The following NRXN1 variants were observed in gnomAD, a reference collection of about 807,000 sequenced individuals.
The protein encoded by NRXN1 is neurexin 1, also known as neurexin-1.
A neutral mutation model predicts 150.9 loss-of-function variants in NRXN1; 39 were observed. That is an observed-to-expected ratio of 0.26 (90% CI 0.20 to 0.34). The LOEUF is 0.34. Among genes scored for constraint, NRXN1 ranks in the 10% least tolerant of loss-of-function variants. NRXN1 has a pLI of 1.00. For missense variants in NRXN1, 1,815 were observed against 1,949.9 expected (o/e 0.93, Z 1.30); for synonymous variants, 924 against 757.0 (o/e 1.22, Z -3.62).
chr2:50,874,555 G>C (rs1288156445), intron 5 of NRXN1, among the ~76,000 whole-genome samples: 1 of 151,696 alleles, frequency 6.6e-6, no homozygotes, highest in African/African-American at 2.4e-5. Context: ...GATAAATGTG[G>C]TATGCTTTTA....
chr2:50,993,432 C>T (rs1299990142), intron 2 of NRXN1, among the ~76,000 whole-genome samples: 1 of 151,608 alleles, frequency 6.6e-6, no homozygotes, highest in African/African-American at 2.4e-5. Context: ...AGATATTTTT[C>T]TTTTATGTTT....
At chr2:50,407,856 T>C (rs2082865530) in intron 17 of NRXN1, among the ~76,000 whole-genome samples, 1 of 152,194 alleles carries the variant, frequency 6.6e-6, no homozygotes, top group Admixed American at 6.5e-5. Flanking sequence ...GTTTCAAGTA[T>C]TCTGTTATAA....
At chr2:50,459,467 T>G (rs142948916) in intron 17 of NRXN1, among the ~76,000 whole-genome samples, 1 of 152,096 alleles carries the variant, frequency 6.6e-6, no homozygotes, top group African/African-American at 2.4e-5. Context: ...CTCTTCCCAC[T>G]CCACCCTCAA....
At chr2:50,186,794 T>G (rs1175168214) in intron 18 of NRXN1, among the ~76,000 whole-genome samples, 4 of 152,084 alleles carry the variant, frequency 2.6e-5, no homozygotes, top group African/African-American at 9.7e-5. Context: ...CAATATCTCT[T>G]AACATGTAGT....
intron 17 of NRXN1, among the ~76,000 whole-genome samples, chr2:50,253,836 G>C (rs972846257): frequency 2.6e-5 from 4 of 151,630 alleles, no homozygotes; most frequent in African/African-American, 9.7e-5. Flanking sequence ...GAGGATTTTT[G>C]CATCAGTGTT....
At chr2:49,977,964 C>G (rs1031924831) in intron 21 of NRXN1, among the ~76,000 whole-genome samples, 1 of 152,030 alleles carries the variant, frequency 6.6e-6, no homozygotes, top group East Asian at 1.9e-4. Context: ...GAGATTGACA[C>G]CATCCTGGCC....
intron 2 of NRXN1, among the ~76,000 whole-genome samples, chr2:50,994,634 G>C (rs12713129): frequency 0.21 from 31,368 of 151,834 alleles, 4,211 homozygotes; most frequent in East Asian, 0.37. Context: ...CACTACCAGA[G>C]AATGCATTAG....
intron 21 of NRXN1, among the ~76,000 whole-genome samples, chr2:49,962,812 GGGTGGT>G (rs1676219338): frequency 6.6e-6 from 1 of 152,018 alleles, no homozygotes; most frequent in Non-Finnish European, 1.5e-5. Flanking sequence ...AATTAGCCGG[GGGTGGT>G]GGCATGCACC....
At chr2:50,526,269 T>A (rs1026519801) in intron 12 of NRXN1, among the ~76,000 whole-genome samples, 1 of 152,216 alleles carries the variant, frequency 6.6e-6, no homozygotes, top group Admixed American at 6.5e-5. Context: ...ACTTTGTATA[T>A]TTCTTGTGAT....
chr2:50,236,039 A>T (rs983758774), intron 18 of NRXN1, among the ~76,000 whole-genome samples: 1 of 152,080 alleles, frequency 6.6e-6, no homozygotes, highest in African/African-American at 2.4e-5. Flanking sequence ...ACTCATTAAT[A>T]ATTTTTAAAA....
At chr2:50,136,208 A>T (rs576985760) in intron 18 of NRXN1, among the ~76,000 whole-genome samples, 2 of 152,078 alleles carry the variant, frequency 1.3e-5, no homozygotes, top group Non-Finnish European at 2.9e-5. Context: ...GAGCATATTC[A>T]TTTTTTTTCA....
chr2:50,123,126 G>C (rs1021037028), intron 18 of NRXN1, among the ~76,000 whole-genome samples: 1 of 152,166 alleles, frequency 6.6e-6, no homozygotes, highest in South Asian at 2.1e-4. Context: ...CAGGGATACA[G>C]TAGTGAAACA....
At chr2:50,614,450 T>C (rs1678703817) in intron 8 of NRXN1, among the ~76,000 whole-genome samples, 1 of 151,908 alleles carries the variant, frequency 6.6e-6, no homozygotes, top group Non-Finnish European at 1.5e-5. Context: ...AAATGACAGA[T>C]ACTCTATTCC....
chr2:50,271,967 G>C (rs2069729619), intron 17 of NRXN1, among the ~76,000 whole-genome samples: 1 of 152,124 alleles, frequency 6.6e-6, no homozygotes, highest in South Asian at 2.1e-4. Flanking sequence ...AGAGGTAATG[G>C]ACTATGCAGT....
chr2:50,746,097 A>G (rs1699991880), intron 5 of NRXN1, among the ~76,000 whole-genome samples: 1 of 152,078 alleles, frequency 6.6e-6, no homozygotes, highest in African/African-American at 2.4e-5. Flanking sequence ...CTGGCACCCA[A>G]ATTTATATTT....
At chr2:50,945,928 A>T (rs1014862010) in intron 2 of NRXN1, among the ~76,000 whole-genome samples, 3 of 148,420 alleles carry the variant, frequency 2.0e-5, no homozygotes, top group African/African-American at 7.4e-5. Flanking sequence ...ACACATCTTT[A>T]CTTGTAAAGT....
intron 5 of NRXN1, among the ~76,000 whole-genome samples, chr2:50,879,517 T>G (rs1243121050): frequency 6.6e-6 from 1 of 151,926 alleles, no homozygotes; most frequent in Non-Finnish European, 1.5e-5. Context: ...ATGTATGTGT[T>G]AAAAAGTCAA....
At chr2:50,628,281 C>T (rs1361322603) in intron 5 of NRXN1, among the ~76,000 whole-genome samples, 2 of 151,668 alleles carry the variant, frequency 1.3e-5, no homozygotes, top group African/African-American at 4.8e-5. Flanking sequence ...CTATGATATT[C>T]CCCTTACTTA....
intron 8 of NRXN1, among the ~76,000 whole-genome samples, chr2:50,584,811 G>A (rs1422289402): frequency 1.3e-5 from 2 of 152,120 alleles, no homozygotes; most frequent in Non-Finnish European, 2.9e-5. Flanking sequence ...AAATATGAGA[G>A]TTCACAGTAT....
Sources: gnomAD v4.1 joint callset for allele counts (sites outside exome capture counted in the v4.1 genomes callset) on GRCh38, gnomAD v4.1.1 for gene constraint, MANE v1.5 for transcripts, NCBI Gene and HGNC (gene_info 2026-07-23, HGNC 2026-07-21) for gene names.